The following DSC3 variants were observed in gnomAD, a reference collection of about 807,000 sequenced individuals.
DSC3 encodes desmocollin 3.
In DSC3, 97 loss-of-function variants were observed where a neutral mutation model predicts 89.5. The observed-to-expected ratio is 1.08, with a 90% confidence interval of 0.92 to 1.28. The LOEUF is 1.28. Among genes scored for constraint, DSC3 ranks in the 50% most tolerant of loss-of-function variants. DSC3 has a pLI of 0.00. For synonymous variants in DSC3, 436 were observed against 384.1 expected, an observed-to-expected ratio of 1.14 and a Z score of -1.58; for missense variants, 1,199 against 1,085.3, an observed-to-expected ratio of 1.10 and a Z score of -1.47.
At chr18:31,014,114 G>A (rs1985157917) in intron 9 of DSC3, among the ~76,000 whole-genome samples, 1 of 151,956 alleles carries the variant, frequency 6.6e-6, no homozygotes, top group Non-Finnish European at 1.5e-5. Context: ...TGACTTCAGG[G>A]AAAAGTTGTT....
chr18:31,032,863 G>T (rs751505013), intron 1 of DSC3, among the ~76,000 whole-genome samples: 24 of 151,920 alleles, frequency 1.6e-4, no homozygotes, highest in Non-Finnish European at 2.8e-4. Flanking sequence ...AAAATCAAAG[G>T]CATCCAAATT....
At chr18:30,996,691 G>T in intron 15 of DSC3, 100 bp downstream of exon 15, 1 of 1,425,436 alleles carries the variant, frequency 7.0e-7, no homozygotes. Flanking sequence ...GCAAGAGAGA[G>T]CCCACAGAAA....
chr18:31,000,717 C>T lies in DSC3; in HGVS notation c.2235+901G>A, dbSNP rs528648208. Among the ~76,000 whole-genome samples, 12 of 152,164 alleles carry T rather than the reference C, an allele frequency of 7.9e-5. No individual in the cohort carries two copies. The South Asian group carries it at 2.1e-3, about 26-fold the overall frequency. ...GCTGTTTTCCTCTTCTTTAGCTATT[C>T]TCACCGTCTCTTCACTTTCAAACCC... On this transcript the variant is annotated intron_variant, in intron 14 of 15. Coordinates refer to ENST00000360428, the MANE Select transcript of DSC3 (RefSeq NM_001941.5).
At chr18:31,000,320 T>C (rs1481907232) in intron 14 of DSC3, among the ~76,000 whole-genome samples, 2 of 152,184 alleles carry the variant, frequency 1.3e-5, no homozygotes, top group East Asian at 3.9e-4. Context: ...TATTCATCCC[T>C]ATCTTAATAT....
Position 31,008,160 on chromosome 18 carries a change from T to C in DSC3, c.1521-2A>G, listed in dbSNP as rs779447220. On this transcript the variant is annotated splice_acceptor_variant, in intron 10 of 15. Coordinates refer to ENST00000360428, the MANE Select transcript of DSC3 (RefSeq NM_001941.5). LOFTEE classifies it high-confidence loss of function. ...TTAGGATCATGCAATTTTTTGTACCTGTTAATAAAAAAAAAATAGTCTTTA... is the reference window on the plus strand; with the variant it reads ...TTAGGATCATGCAATTTTTTGTACCCGTTAATAAAAAAAAAATAGTCTTTA... 3 of 1,608,658 alleles carry C rather than the reference T, an allele frequency of 1.9e-6. No homozygotes were observed. The highest frequency in any genetic ancestry group is 3.4e-5 in the Admixed American group (2 of 59,532).
chr18:31,028,589 T>A (rs1334657815), intron 4 of DSC3, among the ~76,000 whole-genome samples: 2 of 152,226 alleles, frequency 1.3e-5, no homozygotes, highest in East Asian at 3.9e-4. Context: ...TGTGAATGAC[T>A]GTGGAAGGAT....
At chr18:30,999,447 A>G (rs1410111256) in intron 14 of DSC3, among the ~76,000 whole-genome samples, 9 of 147,728 alleles carry the variant, frequency 6.1e-5, no homozygotes, top group Non-Finnish European at 1.0e-4. Flanking sequence ...ATTACAAAAA[A>G]GGAAAAAAAA....
intron 14 of DSC3, among the ~76,000 whole-genome samples, chr18:31,000,452 T>C (rs1984614776): frequency 6.6e-6 from 1 of 152,170 alleles, no homozygotes; most frequent in African/African-American, 2.4e-5. Context: ...GCTGCTTGAT[T>C]ATACCTCTCT....
chr18:31,030,483 G>C (rs1365774270), intron 3 of DSC3, among the ~76,000 whole-genome samples: 2 of 152,144 alleles, frequency 1.3e-5, no homozygotes, highest in African/African-American at 4.8e-5. Context: ...TAAAGGTTTT[G>C]CAGTAAAAAA....
At position 31,004,227 on chromosome 18, in the gene DSC3, C is replaced by G; in HGVS notation, c.2028G>C (p.Gln676His). 1 of 1,613,990 alleles carries G rather than the reference C, an allele frequency of 6.2e-7. No individual in the cohort carries two copies. Among genetic ancestry groups the G allele is most frequent in the Non-Finnish European group, 8.5e-7 (1 of 1,179,934 alleles). ...VNLCECTHPTQCRATSRSTGV... is the reference protein window; with the variant it reads ...VNLCECTHPTHCRATSRSTGV... The stretch of plus-strand genomic sequence containing the variant: ...CTGTACTCCTTGAAGTCGCACGACA[C>G]TGAGTTGGATGAGTACATTCACACA... The change falls in exon 13 of 16, where the codon CAG (glutamine) becomes CAC (histidine). Residue 676 changes from glutamine to histidine, a missense_variant. Transcript: ENST00000360428.
rs1984245429 is a variant in DSC3 at position 30,991,618 on chromosome 18, T to C, written c.*2557A>G. 6.6e-6 allele frequency: 1 copy of C among 151,992 alleles called. No individual in the cohort carries two copies. The highest frequency in any genetic ancestry group is 2.4e-5 in the African/African-American group (1 of 41,378). The allele number at this position is 151,992 out of a possible 1,614,324, so 9.4% of individuals were successfully genotyped here. A position where few individuals can be genotyped will look rare whatever the true frequency, so the allele number is the denominator to read the frequency against. The stretch of plus-strand genomic sequence containing the variant: ...TGGGGAGGTAGCAGGTTTTGATCGG[T>C]GAGTGAGGGAGTGAGCAAAACACAG... On this transcript the variant is annotated 3_prime_UTR_variant, in exon 16 of 16. Transcript: ENST00000360428.
Position 31,024,451 on chromosome 18 carries a change from G to C in DSC3, c.673C>G (p.Leu225Val). Residue 225 changes from leucine (L) to valine (V), a missense_variant, in exon 6 of 16, where the codon CTG becomes GTG. Transcript: ENST00000360428. The stretch of plus-strand genomic sequence containing the variant: ...ACCCTGATGGGTAGTGGGAGGGGCA[G>C]ATCTGCTGAATATCCATCTGCAGTT... The part of the protein sequence containing the change: ...ASTADGYSAD[L>V]PLPLPIRVED... 3 of 1,612,724 alleles carry C rather than the reference G, an allele frequency of 1.9e-6. No individual in the cohort carries two copies. Among genetic ancestry groups the C allele is most frequent in the Non-Finnish European group, 2.5e-6 (3 of 1,179,302 alleles).
rs112322768 is a variant in DSC3, at chr18:31,029,624, G to C, written c.359C>G (p.Ser120Trp). 4 of 1,613,518 alleles carry C rather than the reference G, an allele frequency of 2.5e-6. No individual in the cohort carries two copies. The African/African-American group carries it at 4.0e-5, about 16-fold the overall frequency. ...TVLLEHQKKV[S>W]KTRHTRETVL... ...AGTTTCTCTAGTGTGTCTTGTCTTC[G>C]ATACCTGAATTTAGAGAAAAACAAA... is the stretch of plus-strand genomic sequence containing the variant. The change falls in exon 4 of 16, where the codon TCG (serine) becomes TGG (tryptophan). Residue 120 changes from serine (S) to tryptophan (W), a missense_variant. By Grantham distance (177) the Ser-to-Trp change is radical. Transcript: ENST00000360428.
At chr18:31,013,641 GA>G (rs1269057432) in intron 9 of DSC3, among the ~76,000 whole-genome samples, 1 of 152,140 alleles carries the variant, frequency 6.6e-6, no homozygotes, top group Non-Finnish European at 1.5e-5. Context: ...TAGTGAGCTT[GA>G]AGATATAAAA....
chr18:31,018,881 C>G lies in DSC3; in HGVS notation c.943-81G>C, dbSNP rs995885935. On this transcript the variant is annotated intron_variant, in intron 7 of 15. Coordinates refer to ENST00000360428, the MANE Select transcript of DSC3 (RefSeq NM_001941.5). ...ATGAAACCTCAATTGCACACTCACTCACTCACATACACACACATCTGTGTG... is the reference window on the plus strand; with the variant it reads ...ATGAAACCTCAATTGCACACTCACTGACTCACATACACACACATCTGTGTG... 9.0e-6 allele frequency: 11 copies of G among 1,219,666 alleles called. No homozygotes were observed. The Admixed American group carries it at 1.6e-4, about 18-fold the overall frequency. The allele number at this position is 1,219,666 out of a possible 1,614,324, so 75.6% of individuals were successfully genotyped here. A position where few individuals can be genotyped will look rare whatever the true frequency, so the allele number is the denominator to read the frequency against.
intron 2 of DSC3, 125 bp downstream of exon 2, chr18:31,032,067 C>A: frequency 1.4e-6 from 1 of 710,202 alleles, no homozygotes; most frequent in Admixed American, 2.1e-5. Context: ...CTGGTTTACT[C>A]CCTGGAGGAA....
chr18:30,994,476 A>G (rs754208915), intron 15 of DSC3, 104 bp from the exon 16 acceptor site: 2 of 1,595,590 alleles, frequency 1.3e-6, no homozygotes, highest in Admixed American at 1.7e-5. Flanking sequence ...ATTTTTAACC[A>G]GTGTGTCCTC....
At position 30,992,086 on chromosome 18, in the gene DSC3, A is replaced by AC. The variant is rs1598592095; in HGVS notation, c.*2088dup. ...AGGCTGAGGCAGGAGAATGGCGTGA[A>AC]CCCGGGAGGCGGAGCTTTCAGTGAG... On this transcript the variant is annotated 3_prime_UTR_variant, in exon 16 of 16. Coordinates refer to ENST00000360428, the MANE Select transcript of DSC3 (RefSeq NM_001941.5). The AC allele has an allele frequency of 7.0e-6, 1 of 143,170 alleles. No homozygotes were observed. Among genetic ancestry groups the AC allele is most frequent in the African/African-American group, 2.6e-5 (1 of 39,050 alleles). The allele number at this position is 143,170 out of a possible 1,614,324, so 8.9% of individuals were successfully genotyped here. A position where few individuals can be genotyped will look rare whatever the true frequency, so the allele number is the denominator to read the frequency against.
Position 31,008,498 on chromosome 18 carries a change from C to T in DSC3, c.1291G>A (p.Val431Met), listed in dbSNP as rs1390173255. The change falls in exon 10 of 16, where the codon GTG (valine) becomes ATG (methionine). Residue 431 changes from valine (V) to methionine (M), a missense_variant. Physicochemically the swap from Val to Met is conservative, Grantham distance 21. Transcript: ENST00000360428. ...KPLNYEENRQ[V>M]NLEIGVNNEA... Reference sequence around the variant, plus strand: ...TTGTTTACTCCAATTTCCAGGTTCACTTGACGGTTTTCTTCATAATTCAGT... The same window carrying T: ...TTGTTTACTCCAATTTCCAGGTTCATTTGACGGTTTTCTTCATAATTCAGT... The T allele has an allele frequency of 1.9e-6, 3 of 1,614,030 alleles. No homozygotes were observed. The highest frequency in any genetic ancestry group is 2.5e-6 in the Non-Finnish European group (3 of 1,180,028).
Sources: allele counts gnomAD v4.1 joint callset (sites outside exome capture counted in the v4.1 genomes callset), GRCh38; gene constraint gnomAD v4.1.1; transcripts MANE v1.5; gene names NCBI Gene and HGNC (gene_info 2026-07-23, HGNC 2026-07-21).